Variants in TENT4B observed in about 807,000 individuals in gnomAD.
The protein encoded by TENT4B is terminal nucleotidyltransferase 4B.
A neutral mutation model predicts 75.0 loss-of-function variants in TENT4B; 10 were observed. That is an observed-to-expected ratio of 0.13 (90% confidence interval 0.08 to 0.23). The LOEUF (loss-of-function observed/expected upper bound fraction) is 0.23. Ranked by LOEUF, TENT4B falls within the 10% of genes least tolerant of loss-of-function variation. The pLI, the probability that TENT4B is intolerant of heterozygous loss-of-function variation, is 1.00. For synonymous variants in TENT4B, 350 were observed against 357.7 expected, an observed-to-expected ratio of 0.98 and a Z score of 0.24; for missense variants, 579 against 893.8, an observed-to-expected ratio of 0.65 and a Z score of 4.49.
At chr16:50,222,564 T>C (rs1020881529) in intron 6 of TENT4B, 130 bp downstream of exon 6, 8 of 932,486 alleles carry the variant, frequency 8.6e-6, no homozygotes, top group African/African-American at 3.5e-5. Context: ...TAACGGCTTT[T>C]CCCTTTAAAC....
intron 1 of TENT4B, among the ~76,000 whole-genome samples, chr16:50,186,927 A>G (rs2038539612): frequency 6.6e-6 from 1 of 150,890 alleles, no homozygotes; most frequent in South Asian, 2.1e-4. Flanking sequence ...TTAATTTTTA[A>G]TTTTTTTATT....
At position 50,229,354 on chromosome 16, in the gene TENT4B, C is replaced by G; in HGVS notation, c.*26C>G. The stretch of plus-strand genomic sequence containing the variant: ...TCAGCGCTGCGCGGTGGACTGTCTT[C>G]TCTGTGCAATGATCTCATGCTCAGG... On this transcript the variant is annotated 3_prime_UTR_variant, in exon 12 of 12. Transcript: ENST00000561678. The G allele has an allele frequency of 6.3e-7, 1 of 1,591,164 alleles. No homozygotes were observed. The highest frequency in any genetic ancestry group is 8.5e-7 in the Non-Finnish European group (1 of 1,169,880).
chr16:50,153,183 T>G (rs867687282), upstream of TENT4B, among the ~76,000 whole-genome samples: 37 of 21,120 alleles, frequency 1.8e-3, no homozygotes, highest in South Asian at 3.1e-3. Context: ...GGCGGGGCGG[T>G]GGGGGGGGGG....
intron 1 of TENT4B, among the ~76,000 whole-genome samples, chr16:50,161,507 G>A (rs766658768): frequency 3.3e-5 from 5 of 152,066 alleles, no homozygotes; most frequent in Admixed American, 6.6e-5. Flanking sequence ...TATTTAGTGC[G>A]GAAACCTGTG....
Position 50,232,827 on chromosome 16 carries a change from C to T in TENT4B, c.*3499C>T. The T allele has an allele frequency of 2.0e-6, 2 of 985,258 alleles. No homozygotes were observed. Among genetic ancestry groups the T allele is most frequent in the Non-Finnish European group, 2.4e-6 (2 of 829,822 alleles). The allele number at this position is 985,258 out of a possible 1,614,324, so 61.0% of individuals were successfully genotyped here. A position where few individuals can be genotyped will look rare whatever the true frequency, so the allele number is the denominator to read the frequency against. ...ATATTGATCTATAGTTTGATCAGTT[C>T]CTTGAATTCTAATATGTTGATTTCT... On this transcript the variant is annotated 3_prime_UTR_variant, in exon 12 of 12. Coordinates refer to ENST00000561678, the MANE Select transcript of TENT4B (RefSeq NM_001365324.3).
chr16:50,170,520 TAAAG>T (rs2038185714), intron 1 of TENT4B, among the ~76,000 whole-genome samples: 1 of 152,170 alleles, frequency 6.6e-6, no homozygotes, highest in African/African-American at 2.4e-5. Context: ...GCAGCAGCGT[TAAAG>T]AAATGGCAGT....
intron 1 of TENT4B, among the ~76,000 whole-genome samples, chr16:50,157,267 C>T (rs4785388): frequency 5.3e-5 from 8 of 152,200 alleles, no homozygotes; most frequent in African/African-American, 1.9e-4. Flanking sequence ...TCTCTGCTTC[C>T]ACCAAATTGG....
At chr16:50,163,347 C>T (rs1004170265) in intron 1 of TENT4B, among the ~76,000 whole-genome samples, 1 of 151,544 alleles carries the variant, frequency 6.6e-6, no homozygotes, top group African/African-American at 2.4e-5. Flanking sequence ...GTTTATACTA[C>T]TGTCCCTAAA....
At chr16:50,153,057 G>A (rs2037789809), upstream of TENT4B, 49 of 1,468,364 alleles carry the variant, frequency 3.3e-5, no homozygotes, top group Non-Finnish European at 4.3e-5. Context: ...TCCACAGATG[G>A]CGCAAGTACG....
chr16:50,218,139 A>G (rs1050810312), intron 5 of TENT4B, among the ~76,000 whole-genome samples: 16 of 152,032 alleles, frequency 1.1e-4, no homozygotes, highest in Admixed American at 9.8e-4. Context: ...ATGTGACCTC[A>G]AGTAAGAATT....
At chr16:50,211,285 G>A in intron 1 of TENT4B, 38 bp from the exon 2 acceptor site, 1 of 1,557,874 alleles carries the variant, frequency 6.4e-7, no homozygotes, top group Non-Finnish European at 8.6e-7. Context: ...TCATTAGATT[G>A]GCCCTGTTCA....
At chr16:50,183,773 G>A (rs988485880) in intron 1 of TENT4B, among the ~76,000 whole-genome samples, 7 of 152,080 alleles carry the variant, frequency 4.6e-5, no homozygotes, top group African/African-American at 1.7e-4. Context: ...GGCCAGGCGC[G>A]GTAGCTCATG....
Position 50,230,446 on chromosome 16 carries a change from T to G in TENT4B, c.*1118T>G. The stretch of plus-strand genomic sequence containing the variant: ...CATCTCTTATTCTTTTTAAAATTCA[T>G]GCTTAACTACTGTGGGAGAATAACT... On this transcript the variant is annotated 3_prime_UTR_variant, in exon 12 of 12. Transcript: ENST00000561678. 1 of 985,736 alleles carries G rather than the reference T, an allele frequency of 1.0e-6. No individual in the cohort carries two copies. Among genetic ancestry groups the G allele is most frequent in the Non-Finnish European group, 1.2e-6 (1 of 829,784 alleles). The allele number at this position is 985,736 out of a possible 1,614,324, so 61.1% of individuals were successfully genotyped here.
intron 6 of TENT4B, 111 bp from the exon 7 acceptor site, chr16:50,223,063 C>A: frequency 3.2e-6 from 3 of 948,264 alleles, no homozygotes; most frequent in Non-Finnish European, 3.1e-6. Flanking sequence ...GACTGCTATG[C>A]TAAACCAAAA....
intron 1 of TENT4B, among the ~76,000 whole-genome samples, chr16:50,179,955 C>G (rs1250108539): frequency 6.6e-6 from 1 of 151,926 alleles, no homozygotes; most frequent in African/African-American, 2.4e-5. Context: ...GCTCAGTGGG[C>G]TTGATAGTGA....
In TENT4B at chr16:50,231,270, T is replaced by G; in HGVS notation, c.*1942T>G. ...GATGTTGAGCTTTTGTTTTTGAAAC[T>G]AGTTTGTCATAACATTGTGCATAAT... On this transcript the variant is annotated 3_prime_UTR_variant, in exon 12 of 12. Transcript: ENST00000561678. 3 of 985,356 alleles carry G rather than the reference T, an allele frequency of 3.0e-6. No homozygotes were observed. Among genetic ancestry groups the G allele is most frequent in the Non-Finnish European group, 3.6e-6 (3 of 829,448 alleles). 61.0% of individuals were successfully genotyped at this position (985,356 alleles called of 1,614,324 possible). A position where few individuals can be genotyped will look rare whatever the true frequency, so the allele number is the denominator to read the frequency against.
Position 50,217,683 on chromosome 16 carries a change from A to G in TENT4B, c.1038+20A>G. 7.4e-7 allele frequency: 1 copy of G among 1,352,348 alleles called. No homozygotes were observed. The highest frequency in any genetic ancestry group is 1.4e-5 in the South Asian group (1 of 73,138). 83.8% of individuals were successfully genotyped at this position (1,352,348 alleles called of 1,614,324 possible). On this transcript the variant is annotated intron_variant, in intron 5 of 11. Transcript: ENST00000561678. The stretch of plus-strand genomic sequence containing the variant: ...ACCAAGGTCAGAGAATTTAGCGTTT[A>G]TACAACAAAACTATTAGAAACGTAA...
chr16:50,234,595 A>T lies in TENT4B; in HGVS notation c.*5267A>T. 1.0e-6 allele frequency: 1 copy of T among 983,828 alleles called. No individual in the cohort carries two copies. The highest frequency in any genetic ancestry group is 1.2e-6 in the Non-Finnish European group (1 of 828,476). The allele number at this position is 983,828 out of a possible 1,614,324, so 60.9% of individuals were successfully genotyped here. ...CTGAACTTAATCTCCTAATTTTAAG[A>T]TCCTCTCTGATTTTTGCATATTGAA... On this transcript the variant is annotated 3_prime_UTR_variant, in exon 12 of 12. Coordinates refer to ENST00000561678, the MANE Select transcript of TENT4B (RefSeq NM_001365324.3).
chr16:50,191,145 G>A (rs1419440068), intron 1 of TENT4B, among the ~76,000 whole-genome samples: 1 of 150,470 alleles, frequency 6.6e-6, no homozygotes, highest in African/African-American at 2.5e-5. Context: ...TTTACCTATC[G>A]GCTGTCTTGA....
Sources: gnomAD v4.1 joint callset for allele counts (sites outside exome capture counted in the v4.1 genomes callset) on GRCh38, gnomAD v4.1.1 for gene constraint, MANE v1.5 for transcripts, NCBI Gene and HGNC (gene_info 2026-07-23, HGNC 2026-07-21) for gene names.